TSNARE1: variants seen among roughly 807,000 people sequenced by gnomAD.
The protein encoded by TSNARE1 is t-SNARE domain containing 1.
A neutral mutation model predicts 62.0 loss-of-function variants in TSNARE1; 49 were observed. That is an observed-to-expected ratio of 0.79 (90% confidence interval 0.63 to 1.00). TSNARE1 has a LOEUF of 1.00. Ranked by LOEUF, TSNARE1 falls within the 50% of genes least tolerant of loss-of-function variation. TSNARE1 has a pLI of 0.00. For synonymous variants in TSNARE1, 328 were observed against 294.4 expected, an observed-to-expected ratio of 1.11 and a Z score of -1.17; for missense variants, 755 against 700.1, an observed-to-expected ratio of 1.08 and a Z score of -0.88.
intron 6 of TSNARE1, among the ~76,000 whole-genome samples, chr8:142,326,896 T>C (rs1830356857): frequency 6.6e-6 from 1 of 151,906 alleles, no homozygotes; most frequent in African/African-American, 2.4e-5. Flanking sequence ...ACCAGGAAAA[T>C]ACAAATGAGA....
At chr8:142,290,223 T>A (rs905608156) in intron 10 of TSNARE1, among the ~76,000 whole-genome samples, 106 of 151,570 alleles carry the variant, frequency 7.0e-4, no homozygotes, top group Middle Eastern at 3.4e-3. Flanking sequence ...GGGTGGGGCC[T>A]GCTCGAGGGG....
At chr8:142,255,747 C>T (rs1586866062) in intron 12 of TSNARE1, among the ~76,000 whole-genome samples, 1 of 63,228 alleles carries the variant, frequency 1.6e-5, no homozygotes, top group Non-Finnish European at 4.3e-5. Context: ...CCACTGTCAC[C>T]ATCACCACCA....
chr8:142,262,768 C>G (rs1305723884), intron 12 of TSNARE1, among the ~76,000 whole-genome samples: 1 of 152,170 alleles, frequency 6.6e-6, no homozygotes, highest in Non-Finnish European at 1.5e-5. Context: ...TGAGGCCTCC[C>G]CAGAAGCAGA....
At chr8:142,315,946 G>A (rs921191502) in intron 7 of TSNARE1, among the ~76,000 whole-genome samples, 5 of 152,166 alleles carry the variant, frequency 3.3e-5, no homozygotes, top group South Asian at 4.1e-4. Flanking sequence ...GGCACTGACC[G>A]TGCACCCACC....
intron 11 of TSNARE1, chr8:142,280,052 G>A: frequency 1.6e-6 from 2 of 1,237,518 alleles, no homozygotes; most frequent in South Asian, 2.8e-5. Flanking sequence ...CAGTAGCCCA[G>A]CGCGTTCACT....
chr8:142,270,136 T>C, intron 12 of TSNARE1: 1 of 985,446 alleles, frequency 1.0e-6, no homozygotes, highest in Non-Finnish European at 1.2e-6. Flanking sequence ...CTCCCGCTCC[T>C]GCTCGCTCCC....
chr8:142,323,956 C>T (rs560624526), intron 6 of TSNARE1, among the ~76,000 whole-genome samples: 11 of 152,262 alleles, frequency 7.2e-5, no homozygotes, highest in East Asian at 5.8e-4. Context: ...CCAACACCAG[C>T]GAGGCCCATG....
intron 9 of TSNARE1, among the ~76,000 whole-genome samples, chr8:142,310,487 G>C (rs1337590124): frequency 6.6e-6 from 1 of 152,208 alleles, no homozygotes; most frequent in Non-Finnish European, 1.5e-5. Context: ...GCTTCCCTCT[G>C]AGATCACTCC....
chr8:142,293,190 G>C (rs1366073991), intron 10 of TSNARE1, among the ~76,000 whole-genome samples: 1 of 152,214 alleles, frequency 6.6e-6, no homozygotes, highest in Admixed American at 6.5e-5. Context: ...CACCCCAGCT[G>C]GCAGCAGTGC....
intron 13 of TSNARE1, among the ~76,000 whole-genome samples, chr8:142,214,733 C>T (rs979801728): frequency 6.6e-6 from 1 of 152,196 alleles, no homozygotes; most frequent in Non-Finnish European, 1.5e-5. Context: ...TGCCGTGGTC[C>T]TGAGGGTGCA....
At chr8:142,352,814 C>T (rs1834278940) in intron 2 of TSNARE1, among the ~76,000 whole-genome samples, 2 of 152,118 alleles carry the variant, frequency 1.3e-5, no homozygotes, top group African/African-American at 4.8e-5. Context: ...AGAGCAAGGA[C>T]GAAGGAGGCA....
At chr8:142,370,741 T>C (rs962175843) in intron 1 of TSNARE1, among the ~76,000 whole-genome samples, 1 of 151,628 alleles carries the variant, frequency 6.6e-6, no homozygotes, top group Non-Finnish European at 1.5e-5. Context: ...ACAGACTGCA[T>C]GCAAAGAAAT....
chr8:142,389,001 A>G lies in TSNARE1; in HGVS notation c.-40+14103T>C, dbSNP rs536152529. ...GGATAAAGAACACCTGACTCAAAAC[A>G]TACCACAAAGCTACAGTAATCAAAA... On this transcript the variant is annotated intron_variant, in intron 1 of 13. Transcript: ENST00000524325. Among the ~76,000 whole-genome samples, 13 of 152,396 alleles carry G rather than the reference A, an allele frequency of 8.5e-5. No homozygotes were observed. The South Asian group carries it at 2.7e-3, about 32-fold the overall frequency.
chr8:142,236,647 C>T (rs1233101572), intron 12 of TSNARE1, among the ~76,000 whole-genome samples: 1 of 152,168 alleles, frequency 6.6e-6, no homozygotes, highest in Non-Finnish European at 1.5e-5. Flanking sequence ...CCAGGCTCCC[C>T]TAGACCCCAC....
chr8:142,271,443 ATG>A, intron 12 of TSNARE1: 1 of 1,258,212 alleles, frequency 7.9e-7, no homozygotes, highest in Admixed American at 4.2e-5. Flanking sequence ...GACGTTTCAG[ATG>A]CTGCCGCTGG....
intron 12 of TSNARE1, among the ~76,000 whole-genome samples, chr8:142,261,503 C>T (rs1196928695): frequency 8.6e-5 from 13 of 151,940 alleles, no homozygotes; most frequent in Admixed American, 7.9e-4. Flanking sequence ...GATGCTGGCA[C>T]TCCCTGCTTT....
chr8:142,285,823 G>GT (rs1822644166), intron 10 of TSNARE1, among the ~76,000 whole-genome samples: 2 of 152,078 alleles, frequency 1.3e-5, no homozygotes, highest in South Asian at 4.1e-4. Flanking sequence ...CTTTTTCCCA[G>GT]TTAAGTGGCT....
At chr8:142,317,778 T>C (rs1828811962) in intron 7 of TSNARE1, among the ~76,000 whole-genome samples, 1 of 151,952 alleles carries the variant, frequency 6.6e-6, no homozygotes, top group Non-Finnish European at 1.5e-5. Flanking sequence ...AGCAACATGG[T>C]GAAACCCCAC....
In TSNARE1 at chr8:142,352,859, G is replaced by A. The variant is rs188121331; in HGVS notation, c.88+1778C>T. On this transcript the variant is annotated intron_variant, in intron 2 of 13. Coordinates refer to ENST00000524325, the MANE Select transcript of TSNARE1 (RefSeq NM_145003.5). ...AGGAGCAGGGGCCTGGGGGTCAGGC[G>A]CACCACCTCCGAACCGTTAGATCTG... 7.6e-4 allele frequency among the ~76,000 whole-genome samples: 116 copies of A among 152,284 alleles called. 4 individuals carry two copies. The South Asian group carries it at 0.018, about 24-fold the overall frequency.
Sources: allele counts gnomAD v4.1 joint callset (sites outside exome capture counted in the v4.1 genomes callset), GRCh38; gene constraint gnomAD v4.1.1; transcripts MANE v1.5; gene names NCBI Gene and HGNC (gene_info 2026-07-23, HGNC 2026-07-21).